Variants in SYNE1 observed in about 807,000 individuals in gnomAD.
SYNE1 encodes the protein nesprin-1.
Under a neutral mutation model 1,111.0 loss-of-function variants are expected in SYNE1, and 616 were observed. That is an observed-to-expected ratio of 0.55 (90% CI 0.52 to 0.59). The LOEUF (loss-of-function observed/expected upper bound fraction) is 0.59, where lower values mean the gene tolerates loss of function less well. Ranked by LOEUF, SYNE1 falls within the 20% of genes least tolerant of loss-of-function variation. SYNE1 has a pLI of 0.00. For synonymous variants in SYNE1, 3,855 were observed against 3,825.8 expected, an observed-to-expected ratio of 1.01 and a Z score of -0.28; for missense variants, 10,006 against 10,417.0, an observed-to-expected ratio of 0.96 and a Z score of 1.72.
At chr6:152,372,630 C>T (rs1377510354) in intron 59 of SYNE1, among the ~76,000 whole-genome samples, 2 of 152,180 alleles carry the variant, frequency 1.3e-5, no homozygotes, top group South Asian at 2.1e-4. Flanking sequence ...AAACCTACTA[C>T]CTGGTATTTG....
At chr6:152,613,292 C>T (rs933997928) in intron 3 of SYNE1, among the ~76,000 whole-genome samples, 1 of 152,210 alleles carries the variant, frequency 6.6e-6, no homozygotes, top group African/African-American at 2.4e-5. Context: ...TAAGCAACTT[C>T]AGCAGAGTCT....
intron 16 of SYNE1, 113 bp from the exon 17 acceptor site, chr6:152,466,191 A>G: frequency 1.5e-6 from 1 of 674,258 alleles, no homozygotes; most frequent in Non-Finnish European, 2.7e-6. Context: ...TGTTAATCTC[A>G]GTCTTCTTGA....
At chr6:152,187,349 C>T (rs1429850464) in intron 128 of SYNE1, among the ~76,000 whole-genome samples, 1 of 152,122 alleles carries the variant, frequency 6.6e-6, no homozygotes, top group Non-Finnish European at 1.5e-5. Flanking sequence ...AATCAAGAGG[C>T]TCTGAGCCTC....
At chr6:152,166,939 A>G (rs1047743586) in intron 130 of SYNE1, among the ~76,000 whole-genome samples, 4 of 152,046 alleles carry the variant, frequency 2.6e-5, no homozygotes, top group Non-Finnish European at 1.5e-5. Context: ...GTTTCTTTCC[A>G]TTATTTCTTT....
At position 152,407,145 on chromosome 6, in the gene SYNE1, T is replaced by G; in HGVS notation, c.6592A>C (p.Ile2198Leu). Reference sequence around the variant, plus strand: ...CTAGTTGACAGTACATCATCCCAAATGGACAGGCTTACTCTCAGCCTATCC... The same window carrying G: ...CTAGTTGACAGTACATCATCCCAAAGGGACAGGCTTACTCTCAGCCTATCC... ...NMDRLRVSLS[I>L]WDDVLSTRDE... The change falls in exon 45 of 146, where the codon ATT (isoleucine) becomes CTT (leucine). Residue 2198 changes from isoleucine to leucine, a missense_variant. Ile to Leu is a conservative substitution (Grantham distance 5). Around this residue, in one of 7 missense-constraint regions of SYNE1, gnomAD observed 4,955 missense variants for 5,017.2 expected, o/e 0.99. Transcript: ENST00000367255. The G allele has an allele frequency of 6.2e-7, 1 of 1,614,052 alleles. No homozygotes were observed. Among genetic ancestry groups the G allele is most frequent in the South Asian group, 1.1e-5 (1 of 91,078 alleles).
chr6:152,127,433 T>C (rs1310445207), intron 145 of SYNE1: 1 of 152,198 alleles, frequency 6.6e-6, no homozygotes, highest in East Asian at 1.9e-4. Context: ...ACTAAATGAA[T>C]GTCAGCAGCT....
intron 110 of SYNE1, 81 bp downstream of exon 110, chr6:152,236,026 G>A (rs2083940668): frequency 6.8e-7 from 1 of 1,465,080 alleles, no homozygotes; most frequent in African/African-American, 1.4e-5. Flanking sequence ...ATAGGTTTGA[G>A]CCATCATCCC....
Position 152,236,841 on chromosome 6 carries a change from A to C in SYNE1, c.20175T>G (p.Leu6725=), listed in dbSNP as rs2084206795. 1.9e-6 allele frequency: 3 copies of C among 1,614,032 alleles called. No homozygotes were observed. The South Asian group carries it at 3.3e-5, about 18-fold the overall frequency. Reference sequence around the variant, plus strand: ...CCTGGTAGAGTGTTATGCGGTCAATAAGCCTGTCCTCGTTCTCCTCCACCA... The same window carrying C: ...CCTGGTAGAGTGTTATGCGGTCAATCAGCCTGTCCTCGTTCTCCTCCACCA... The part of the protein sequence containing the change: ...VGLVEENEDR[L]IDRITLYQHL... Residue 6725 remains leucine, a synonymous_variant, in exon 109 of 146, where the codon CTT becomes CTG. Transcript: ENST00000367255.
chr6:152,539,808 C>A, intron 4 of SYNE1, 152 bp downstream of exon 4: 1 of 875,120 alleles, frequency 1.1e-6, no homozygotes, highest in Admixed American at 2.0e-5. Context: ...GCAAATTCCA[C>A]TCTTAGGCAA....
At chr6:152,495,952 A>C (rs1159768103) in intron 11 of SYNE1, among the ~76,000 whole-genome samples, 1 of 152,204 alleles carries the variant, frequency 6.6e-6, no homozygotes, top group East Asian at 1.9e-4. Flanking sequence ...TGTGGCACAG[A>C]AACTTCATAT....
At chr6:152,543,876 T>C (rs1438576358) in intron 3 of SYNE1, among the ~76,000 whole-genome samples, 1 of 152,186 alleles carries the variant, frequency 6.6e-6, no homozygotes, top group Non-Finnish European at 1.5e-5. Flanking sequence ...AGTAATAGGC[T>C]ATATCATGTA....
At chr6:152,442,018 C>T (rs2154232414) in intron 31 of SYNE1, 57 bp downstream of exon 31, 1 of 1,605,078 alleles carries the variant, frequency 6.2e-7, no homozygotes, top group Non-Finnish European at 8.5e-7. Flanking sequence ...TGAGGCACAA[C>T]CGGAAGTGAA....
At chr6:152,355,521 C>A (rs2096821752) in intron 66 of SYNE1, among the ~76,000 whole-genome samples, 1 of 152,178 alleles carries the variant, frequency 6.6e-6, no homozygotes, top group Non-Finnish European at 1.5e-5. Context: ...GTTCATCACA[C>A]CTGCCCACCA....
At chr6:152,135,021 C>T in intron 142 of SYNE1, 83 bp downstream of exon 142, 5 of 1,588,870 alleles carry the variant, frequency 3.1e-6, no homozygotes, top group Non-Finnish European at 4.3e-6. Flanking sequence ...AGAAACAACA[C>T]TTACCACTTA....
chr6:152,145,413 C>T, intron 137 of SYNE1: 1 of 1,396,822 alleles, frequency 7.2e-7, no homozygotes, highest in Non-Finnish European at 1.0e-6. Context: ...GGGAGAGAGA[C>T]AGCAGATGTG....
At chr6:152,250,339 T>C (rs2088805833) in intron 104 of SYNE1, among the ~76,000 whole-genome samples, 1 of 151,958 alleles carries the variant, frequency 6.6e-6, no homozygotes, top group Non-Finnish European at 1.5e-5. Flanking sequence ...AGCAAAAATA[T>C]ATTTGTCAGA....
chr6:152,542,859 A>G (rs2099278360), intron 3 of SYNE1, among the ~76,000 whole-genome samples: 1 of 152,180 alleles, frequency 6.6e-6, no homozygotes, highest in Non-Finnish European at 1.5e-5. Flanking sequence ...GAACTTTATA[A>G]TGCATAAAAT....
At chr6:152,235,345 C>T (rs1001104320) in intron 110 of SYNE1, among the ~76,000 whole-genome samples, 4 of 152,156 alleles carry the variant, frequency 2.6e-5, no homozygotes, top group Admixed American at 6.5e-5. Context: ...ATACAAGAAT[C>T]CAAGTGGGGA....
chr6:152,453,250 T>C (rs2098666077), intron 25 of SYNE1, among the ~76,000 whole-genome samples: 1 of 152,182 alleles, frequency 6.6e-6, no homozygotes, highest in African/African-American at 2.4e-5. Flanking sequence ...TTTCAGTAGG[T>C]ATACCTAGCA....
Sources: gnomAD v4.1 joint callset for allele counts (sites outside exome capture counted in the v4.1 genomes callset) on GRCh38, gnomAD v4.1.1 for gene constraint, gnomAD v4.1.1 regional missense constraint, MANE v1.5 for transcripts, NCBI Gene and HGNC (gene_info 2026-07-23, HGNC 2026-07-21) for gene names.